NOL4: variants seen among roughly 807,000 people sequenced by gnomAD.
The protein encoded by NOL4 is nucleolar protein 4.
In NOL4, 17 loss-of-function variants were observed where a neutral mutation model predicts 75.9. That is an observed-to-expected ratio of 0.22 (90% CI 0.15 to 0.34). The LOEUF (loss-of-function observed/expected upper bound fraction) is 0.34, where lower values mean the gene tolerates loss of function less well. Ranked by LOEUF, NOL4 falls within the 10% of genes least tolerant of loss-of-function variation. The pLI, the probability that NOL4 is intolerant of heterozygous loss-of-function variation, is 1.00. For missense variants in NOL4, 614 were observed against 793.5 expected (o/e 0.77, Z 2.72); for synonymous variants, 292 against 289.9 (o/e 1.01, Z -0.07).
chr18:34,032,859 T>C (rs957414567), intron 5 of NOL4, among the ~76,000 whole-genome samples: 5 of 152,168 alleles, frequency 3.3e-5, no homozygotes. Context: ...CTGGCCTTCC[T>C]GACATCCTAG....
At chr18:33,980,028 G>T (rs1239786684) in intron 6 of NOL4, among the ~76,000 whole-genome samples, 1 of 151,958 alleles carries the variant, frequency 6.6e-6, no homozygotes, top group African/African-American at 2.4e-5. Flanking sequence ...AACATATAAG[G>T]AGCTTAGTTG....
At chr18:33,910,584 C>A (rs879909884) in intron 9 of NOL4, among the ~76,000 whole-genome samples, 4 of 152,042 alleles carry the variant, frequency 2.6e-5, no homozygotes, top group Admixed American at 2.6e-4. Context: ...ACCCACCCCA[C>A]GCCTATGTAA....
chr18:34,129,830 T>C, intron 2 of NOL4, 41 bp downstream of exon 2: 1 of 1,507,086 alleles, frequency 6.6e-7, no homozygotes, highest in East Asian at 2.4e-5. Context: ...TAATATCAAG[T>C]CTCGAAATGC....
chr18:34,120,502 G>T (rs995707632), intron 2 of NOL4, among the ~76,000 whole-genome samples: 7 of 152,140 alleles, frequency 4.6e-5, no homozygotes, highest in Non-Finnish European at 1.0e-4. Flanking sequence ...TCCATCCAAA[G>T]TTATTTTGTG....
intron 1 of NOL4, chr18:34,222,287 G>T: frequency 7.6e-7 from 1 of 1,317,140 alleles, no homozygotes; most frequent in Non-Finnish European, 9.6e-7. Context: ...ATCTTTCTTT[G>T]TTGTTCATCT....
At position 33,880,653 on chromosome 18, in the gene NOL4, T is replaced by C. The variant is rs74482150; in HGVS notation, c.1723+2591A>G. Among the ~76,000 whole-genome samples the C allele has an allele frequency of 9.4e-3, 1,434 of 152,130 alleles. 24 individuals carry two copies. Among genetic ancestry groups the C allele is most frequent in the African/African-American group, 0.033 (1,382 of 41,494 alleles). ...CCATGTGTTGTTTCATTTTGTATGT[T>C]CTTAGTTATGACTGTGTATGTTTCA... is the stretch of plus-strand genomic sequence containing the variant. On this transcript the variant is annotated intron_variant, in intron 10 of 10. Transcript: ENST00000261592.
intron 2 of NOL4, among the ~76,000 whole-genome samples, chr18:34,109,681 AG>A (rs1471737012): frequency 6.6e-6 from 1 of 152,080 alleles, no homozygotes; most frequent in Admixed American, 6.6e-5. Context: ...GAAATAAAAA[AG>A]GTAGAGACCA....
chr18:34,077,100 G>A (rs2077778857), intron 5 of NOL4, among the ~76,000 whole-genome samples: 1 of 152,096 alleles, frequency 6.6e-6, no homozygotes, highest in South Asian at 2.1e-4. Flanking sequence ...GAGTCCAGGA[G>A]TTTGAGACTA....
chr18:33,984,958 C>T (rs191362682), intron 6 of NOL4, among the ~76,000 whole-genome samples: 5 of 152,090 alleles, frequency 3.3e-5, no homozygotes, highest in African/African-American at 1.2e-4. Flanking sequence ...AATCACATTC[C>T]CCTTCCCCCT....
At chr18:34,063,124 T>A (rs2077133263) in intron 5 of NOL4, among the ~76,000 whole-genome samples, 1 of 152,014 alleles carries the variant, frequency 6.6e-6, no homozygotes, top group Non-Finnish European at 1.5e-5. Context: ...GAGGTATGGA[T>A]GAAAGATGAA....
chr18:34,222,816 G>A, intron 1 of NOL4, 174 bp downstream of exon 1: 1 of 803,126 alleles, frequency 1.2e-6, no homozygotes, highest in South Asian at 1.8e-5. Context: ...GTACAGTGGG[G>A]AAAACGCGCC....
At chr18:33,878,597 A>C (rs1470672433) in intron 10 of NOL4, among the ~76,000 whole-genome samples, 3 of 152,096 alleles carry the variant, frequency 2.0e-5, no homozygotes, top group African/African-American at 7.2e-5. Context: ...CCAGCACTGT[A>C]AACTAAGTGA....
chr18:34,005,333 T>G (rs2146271448), intron 6 of NOL4, among the ~76,000 whole-genome samples: 1 of 152,140 alleles, frequency 6.6e-6, no homozygotes, highest in Middle Eastern at 3.4e-3. Context: ...TGCTGGATTC[T>G]TCCTGTTTTC....
chr18:33,947,359 G>A (rs972145202), intron 8 of NOL4, among the ~76,000 whole-genome samples: 1 of 151,618 alleles, frequency 6.6e-6, no homozygotes, highest in Non-Finnish European at 1.5e-5. Flanking sequence ...AGGGAATATG[G>A]TCATAGATTT....
chr18:33,934,471 AT>A (rs1318271059), intron 9 of NOL4, among the ~76,000 whole-genome samples: 4 of 152,174 alleles, frequency 2.6e-5, no homozygotes, highest in Non-Finnish European at 5.9e-5. Context: ...CACTACGATG[AT>A]GTAGTGATTT....
chr18:33,923,672 GTA>G (rs1166634259), intron 9 of NOL4, among the ~76,000 whole-genome samples: 1 of 152,010 alleles, frequency 6.6e-6, no homozygotes, highest in Non-Finnish European at 1.5e-5. Context: ...ATAATGTATT[GTA>G]TATGTTTACA....
rs1030586980 is a variant in NOL4, at chr18:34,104,997, G to C, written c.526+52C>G. 2.8e-5 allele frequency: 30 copies of C among 1,072,072 alleles called. No individual in the cohort carries two copies. In the East Asian group the frequency reaches 7.2e-4, roughly 26 times the overall value. The allele number at this position is 1,072,072 out of a possible 1,614,324, so 66.4% of individuals were successfully genotyped here. A position where few individuals can be genotyped will look rare whatever the true frequency, so the allele number is the denominator to read the frequency against. On this transcript the variant is annotated intron_variant, in intron 3 of 10. Coordinates refer to ENST00000261592, the MANE Select transcript of NOL4 (RefSeq NM_003787.5). ...TTTTATAAAAATGTGAGATACAAATGGCCATTATGAATAAAATTACTTTAA... is the reference window on the plus strand; with the variant it reads ...TTTTATAAAAATGTGAGATACAAATCGCCATTATGAATAAAATTACTTTAA...
intron 5 of NOL4, among the ~76,000 whole-genome samples, chr18:34,041,269 C>A (rs938706477): frequency 1.3e-5 from 2 of 151,900 alleles, no homozygotes; most frequent in Non-Finnish European, 2.9e-5. Context: ...GGTTAAAATT[C>A]TCAGCTTAAG....
intron 1 of NOL4, among the ~76,000 whole-genome samples, chr18:34,188,209 T>C (rs779846329): frequency 1.3e-5 from 2 of 152,108 alleles, no homozygotes; most frequent in Non-Finnish European, 2.9e-5. Context: ...TACTTGCCAC[T>C]AAAATAATTG....
Sources: gnomAD v4.1 joint callset for allele counts (sites outside exome capture counted in the v4.1 genomes callset) on GRCh38, gnomAD v4.1.1 for gene constraint, MANE v1.5 for transcripts, NCBI Gene and HGNC (gene_info 2026-07-23, HGNC 2026-07-21) for gene names.